Variants in LYRM4 observed in about 807,000 individuals in gnomAD.
LYRM4 encodes the protein LYR motif containing 4.
In LYRM4, 9 loss-of-function variants were observed where a neutral mutation model predicts 11.7. The observed-to-expected ratio is 0.77, with a 90% CI of 0.46 to 1.34. The LOEUF (loss-of-function observed/expected upper bound fraction) is 1.34. LYRM4 is among the 40% of genes most tolerant of loss of function. The pLI is 0.00. For synonymous variants in LYRM4, 42 were observed against 40.4 expected (o/e 1.04, Z -0.15); for missense variants, 133 against 112.5 (o/e 1.18, Z -0.82).
At chr6:5,254,054 C>T (rs990583856) in intron 1 of LYRM4, among the ~76,000 whole-genome samples, 8 of 152,204 alleles carry the variant, frequency 5.3e-5, no homozygotes, top group Admixed American at 1.3e-4. Context: ...GTCTGCTCCA[C>T]TAGAGCTTCT....
the LYRM4 span, chr6:5,042,908 G>A: frequency 2.0e-5 from 3 of 152,200 alleles, no homozygotes; most frequent in African/African-American, 4.8e-5. Context: ...AGGAAAACCT[G>A]GTAGAAGCTA....
At chr6:5,240,246 T>G (rs1029059807) in intron 1 of LYRM4, among the ~76,000 whole-genome samples, 1 of 152,066 alleles carries the variant, frequency 6.6e-6, no homozygotes, top group Non-Finnish European at 1.5e-5. Flanking sequence ...CTCCTATCTT[T>G]CCTTTCTCTT....
the LYRM4 span, among the ~76,000 whole-genome samples, chr6:5,060,392 C>A: frequency 6.6e-6 from 1 of 151,692 alleles, no homozygotes. Flanking sequence ...TTTGCAGGTA[C>A]ATTCATGTAG....
the LYRM4 span, chr6:5,085,155 G>A: frequency 5.8e-6 from 2 of 344,956 alleles, no homozygotes; most frequent in Non-Finnish European, 5.2e-6. Flanking sequence ...CATTCCACCG[G>A]AGCACTCGGG....
intron 2 of LYRM4, among the ~76,000 whole-genome samples, chr6:5,182,384 A>G (rs1295424512): frequency 1.3e-5 from 2 of 152,256 alleles, no homozygotes; most frequent in African/African-American, 2.4e-5. Context: ...AGAAACAGCC[A>G]TATTAGATTA....
At chr6:5,111,916 G>A (rs1762898071) in intron 2 of LYRM4, among the ~76,000 whole-genome samples, 1 of 152,196 alleles carries the variant, frequency 6.6e-6, no homozygotes, top group African/African-American at 2.4e-5. Context: ...CAGTCTTTGG[G>A]CCCTCAACAA....
intron 1 of LYRM4, among the ~76,000 whole-genome samples, chr6:5,260,077 G>C (rs764326919): frequency 3.3e-5 from 5 of 152,186 alleles, no homozygotes; most frequent in Non-Finnish European, 7.4e-5. Flanking sequence ...GAGAAACTGA[G>C]GTTTCAGCTC....
At chr6:5,247,759 C>T (rs1027276563) in intron 1 of LYRM4, among the ~76,000 whole-genome samples, 41 of 152,044 alleles carry the variant, frequency 2.7e-4, no homozygotes, top group Admixed American at 2.6e-3. Context: ...TTAATAGATG[C>T]ATCAGTGATG....
intron 2 of LYRM4, among the ~76,000 whole-genome samples, chr6:5,110,727 G>A (rs1762843434): frequency 6.6e-6 from 1 of 152,148 alleles, no homozygotes; most frequent in Admixed American, 6.6e-5. Flanking sequence ...TATGGGAAGG[G>A]GGTGTAGAGA....
the LYRM4 span, among the ~76,000 whole-genome samples, chr6:5,052,546 G>T: frequency 6.6e-6 from 1 of 152,058 alleles, no homozygotes; most frequent in Non-Finnish European, 1.5e-5. Flanking sequence ...GTCCTGCCTT[G>T]GCCTCCCAAA....
At chr6:5,033,311 G>C in the LYRM4 span, 1 of 152,092 alleles carries the variant, frequency 6.6e-6, no homozygotes, top group South Asian at 2.1e-4. Context: ...CTTTATGCTA[G>C]ACATGAAACA....
intron 2 of LYRM4, among the ~76,000 whole-genome samples, chr6:5,180,232 C>T (rs568440783): frequency 2.0e-5 from 3 of 152,310 alleles, no homozygotes; most frequent in East Asian, 3.9e-4. Context: ...GCTCCACAGA[C>T]AGCAGCCGTT....
intron 2 of LYRM4, among the ~76,000 whole-genome samples, chr6:5,172,075 CAA>C (rs754684744): frequency 2.6e-5 from 4 of 152,182 alleles, no homozygotes; most frequent in Non-Finnish European, 4.4e-5. Flanking sequence ...CTACAGAATG[CAA>C]AGAGTCAACA....
chr6:5,209,057 C>T (rs1371333333), intron 2 of LYRM4, among the ~76,000 whole-genome samples: 3 of 152,102 alleles, frequency 2.0e-5, no homozygotes, highest in African/African-American at 7.2e-5. Context: ...GTATTTAAAT[C>T]TCCTTTGCCT....
At position 5,146,210 on chromosome 6, in the gene LYRM4, G is replaced by C. The variant is rs1757713331; in HGVS notation, c.208-36719C>G. Among the ~76,000 whole-genome samples, 6 of 152,120 alleles carry C rather than the reference G, an allele frequency of 3.9e-5. No homozygotes were observed. In the South Asian group the frequency reaches 1.2e-3, roughly 32 times the overall value. ...TTTAGTAGCATGTTTCCCGTATTCA[G>C]TCCTAGCAAATGAATTCCTGAGAAC... is the stretch of plus-strand genomic sequence containing the variant. On this transcript the variant is annotated intron_variant, in intron 2 of 2. Coordinates refer to ENST00000330636, the MANE Select transcript of LYRM4 (RefSeq NM_020408.6).
chr6:5,166,983 A>G (rs1561843706), intron 2 of LYRM4, among the ~76,000 whole-genome samples: 4 of 152,136 alleles, frequency 2.6e-5, no homozygotes, highest in Non-Finnish European at 5.9e-5. Flanking sequence ...GCCTCCCAAG[A>G]TGCTGGTTTT....
chr6:5,249,676 G>A (rs935398064), intron 1 of LYRM4, among the ~76,000 whole-genome samples: 4 of 152,152 alleles, frequency 2.6e-5, no homozygotes, highest in African/African-American at 9.7e-5. Flanking sequence ...AGGAGGACCC[G>A]CCTTAACTGA....
intron 1 of LYRM4, among the ~76,000 whole-genome samples, chr6:5,243,147 G>A (rs1763985751): frequency 1.3e-5 from 2 of 152,330 alleles, no homozygotes; most frequent in South Asian, 4.1e-4. Flanking sequence ...AAGGGCAAAT[G>A]CTCAGTTCGT....
chr6:5,061,440 A>C, the LYRM4 span, among the ~76,000 whole-genome samples: 2 of 152,252 alleles, frequency 1.3e-5, no homozygotes, highest in East Asian at 3.8e-4. Flanking sequence ...TATACAAGAT[A>C]GTGAACAATT....
Sources: allele counts gnomAD v4.1 joint callset (sites outside exome capture counted in the v4.1 genomes callset), GRCh38; gene constraint gnomAD v4.1.1; transcripts MANE v1.5; gene names NCBI Gene and HGNC (gene_info 2026-07-23, HGNC 2026-07-21).